GRM7: variants seen among roughly 807,000 people sequenced by gnomAD.
GRM7 encodes the protein glutamate metabotropic receptor 7.
Under a neutral mutation model 84.5 loss-of-function variants are expected in GRM7, and 35 were observed. That is an observed-to-expected ratio of 0.41 (90% CI 0.32 to 0.55). GRM7 has a LOEUF of 0.55. Among genes scored for constraint, GRM7 ranks in the 20% least tolerant of loss-of-function variants. GRM7 has a pLI of 0.19. For missense variants in GRM7, 1,003 were observed against 1,194.6 expected (o/e 0.84, Z 2.36); for synonymous variants, 487 against 455.1 (o/e 1.07, Z -0.89).
At chr3:7,496,583 A>C (rs964500317) in intron 7 of GRM7, among the ~76,000 whole-genome samples, 1 of 152,192 alleles carries the variant, frequency 6.6e-6, no homozygotes, top group Admixed American at 6.5e-5. Context: ...GAAGTACATC[A>C]TTGCATTATT....
intron 4 of GRM7, among the ~76,000 whole-genome samples, chr3:7,307,022 A>T (rs9863314): frequency 6.6e-6 from 1 of 152,060 alleles, no homozygotes; most frequent in Admixed American, 6.6e-5. Context: ...CGCATCCATT[A>T]TTTCCTTATT....
chr3:7,549,632 G>A lies in GRM7; in HGVS notation c.1516-28790G>A, dbSNP rs114964425. ...ACATGGGAAGAAAAAACTTCTCCCC[G>A]TATCTTTTTCAAAATAGGCAAGATG... On this transcript the variant is annotated intron_variant, in intron 7 of 9. Transcript: ENST00000357716. Among the ~76,000 whole-genome samples, 929 of 152,196 alleles carry A rather than the reference G, an allele frequency of 6.1e-3. 4 individuals carry two copies. Among genetic ancestry groups the A allele is most frequent in the Middle Eastern group, 0.01 (3 of 294 alleles).
At chr3:7,050,374 A>G (rs1021183851) in intron 1 of GRM7, among the ~76,000 whole-genome samples, 1 of 151,934 alleles carries the variant, frequency 6.6e-6, no homozygotes, top group Non-Finnish European at 1.5e-5. Context: ...ATGTGAAGAA[A>G]TCAGGCTTTG....
intron 2 of GRM7, among the ~76,000 whole-genome samples, chr3:7,225,799 G>A (rs980002294): frequency 1.3e-5 from 2 of 151,896 alleles, no homozygotes; most frequent in African/African-American, 4.8e-5. Flanking sequence ...CTATTTCAGG[G>A]AAGATTCTGA....
intron 4 of GRM7, among the ~76,000 whole-genome samples, chr3:7,398,159 T>G (rs1316076550): frequency 1.3e-5 from 2 of 152,180 alleles, no homozygotes; most frequent in Non-Finnish European, 2.9e-5. Flanking sequence ...TATAAGTAAA[T>G]TTTAAAATGT....
At chr3:7,218,638 C>G (rs1301355549) in intron 2 of GRM7, among the ~76,000 whole-genome samples, 1 of 151,820 alleles carries the variant, frequency 6.6e-6, no homozygotes, top group African/African-American at 2.4e-5. Flanking sequence ...CATTTTAATG[C>G]ATTTTTCTGA....
At chr3:7,400,007 G>A (rs970842165) in intron 4 of GRM7, among the ~76,000 whole-genome samples, 2 of 152,166 alleles carry the variant, frequency 1.3e-5, no homozygotes, top group African/African-American at 4.8e-5. Context: ...GTTTACATAA[G>A]TTATTACATG....
At chr3:7,541,486 A>C (rs1358200944) in intron 7 of GRM7, among the ~76,000 whole-genome samples, 1 of 152,140 alleles carries the variant, frequency 6.6e-6, no homozygotes, top group Non-Finnish European at 1.5e-5. Flanking sequence ...TTTTACAGCA[A>C]CTCTGTATGA....
chr3:7,517,822 C>T (rs1457916652), intron 7 of GRM7, among the ~76,000 whole-genome samples: 1 of 152,194 alleles, frequency 6.6e-6, no homozygotes, highest in East Asian at 1.9e-4. Context: ...CTTTTATCAC[C>T]AGATTTTAAC....
intron 8 of GRM7, among the ~76,000 whole-genome samples, chr3:7,659,179 C>T (rs1489125266): frequency 6.6e-6 from 1 of 152,110 alleles, no homozygotes; most frequent in Admixed American, 6.5e-5. Context: ...AAAATGTTCC[C>T]CATGAGCAGA....
At chr3:7,502,469 CT>C (rs981444961) in intron 7 of GRM7, among the ~76,000 whole-genome samples, 52 of 152,210 alleles carry the variant, frequency 3.4e-4, no homozygotes, top group African/African-American at 1.2e-3. Flanking sequence ...GTATCAGAAA[CT>C]TTTGATTTCT....
chr3:7,478,288 G>A (rs1699000469), intron 7 of GRM7, among the ~76,000 whole-genome samples: 1 of 152,116 alleles, frequency 6.6e-6, no homozygotes, highest in African/African-American at 2.4e-5. Context: ...GCTGTCTTAG[G>A]TGGAAATCTT....
intron 7 of GRM7, among the ~76,000 whole-genome samples, chr3:7,521,871 G>T (rs1377393162): frequency 6.6e-6 from 1 of 152,116 alleles, no homozygotes; most frequent in Non-Finnish European, 1.5e-5. Flanking sequence ...ATCATTTATG[G>T]CTCCCCAATT....
intron 4 of GRM7, among the ~76,000 whole-genome samples, chr3:7,384,598 A>T (rs371805334): frequency 3.5e-4 from 54 of 152,350 alleles, no homozygotes; most frequent in African/African-American, 1.3e-3. Flanking sequence ...ATCAAATAAC[A>T]TTATGAATGA....
chr3:7,220,234 G>C (rs1177071994), intron 2 of GRM7, among the ~76,000 whole-genome samples: 2 of 152,150 alleles, frequency 1.3e-5, no homozygotes, highest in Non-Finnish European at 2.9e-5. Context: ...GCCTGGAAAA[G>C]GTGGATGAAG....
At chr3:7,453,751 A>G (rs149931700) in intron 6 of GRM7, among the ~76,000 whole-genome samples, 2 of 152,198 alleles carry the variant, frequency 1.3e-5, no homozygotes, top group African/African-American at 2.4e-5. Flanking sequence ...GGCATGATCG[A>G]CAACCACGAA....
intron 1 of GRM7, among the ~76,000 whole-genome samples, chr3:7,146,154 T>C (rs981168474): frequency 6.6e-6 from 1 of 152,180 alleles, no homozygotes; most frequent in Non-Finnish European, 1.5e-5. Context: ...GGTAGAATGG[T>C]CATAAATCTT....
chr3:7,023,504 C>A (rs149591350), intron 1 of GRM7, among the ~76,000 whole-genome samples: 1 of 152,102 alleles, frequency 6.6e-6, no homozygotes, highest in African/African-American at 2.4e-5. Context: ...GGGCACTCAC[C>A]GCGTGAGTCT....
chr3:7,578,456 A>G lies in GRM7; in HGVS notation c.1550A>G (p.Glu517Gly), dbSNP rs775318345. The change falls in exon 8 of 10, where the codon GAG becomes GGG. Residue 517 changes from glutamate (E) to glycine (G), a missense_variant. Glu to Gly is a moderately conservative substitution (Grantham distance 98, BLOSUM62 -2). Around this residue, in one of 2 missense-constraint regions of GRM7, gnomAD observed 910 missense variants for 1,126.0 expected, o/e 0.81. Transcript: ENST00000357716. ...EDMQWGKGVR[E>G]IPASVCTLPC... Reference sequence around the variant, plus strand: ...ATGCAGTGGGGTAAAGGAGTCCGAGAGATACCCGCCTCAGTGTGCACACTA... The same window carrying G: ...ATGCAGTGGGGTAAAGGAGTCCGAGGGATACCCGCCTCAGTGTGCACACTA... 1 of 1,613,402 alleles carries G rather than the reference A, an allele frequency of 6.2e-7. No homozygotes were observed. The highest frequency in any genetic ancestry group is 8.5e-7 in the Non-Finnish European group (1 of 1,179,512).
Sources: allele counts gnomAD v4.1 joint callset (sites outside exome capture counted in the v4.1 genomes callset), GRCh38; gene constraint gnomAD v4.1.1; regional missense constraint gnomAD v4.1.1; transcripts MANE v1.5; gene names NCBI Gene and HGNC (gene_info 2026-07-23, HGNC 2026-07-21).